The following ZC3H12B variants were observed in gnomAD, a reference collection of about 807,000 sequenced individuals.
The protein encoded by ZC3H12B is probable ribonuclease ZC3H12B.
ZC3H12B carries 7 observed loss-of-function variants against 43.9 expected under a neutral mutation model. The ratio of observed to expected loss-of-function variants is 0.16; its 90% CI spans 0.09 to 0.30. The LOEUF is 0.30. Ranked by LOEUF, ZC3H12B falls within the 10% of genes least tolerant of loss-of-function variation. The probability of loss-of-function intolerance (pLI) is 1.00; values close to 1 mark genes in which losing one functional copy is unlikely to be tolerated. For missense variants in ZC3H12B, 475 were observed against 670.2 expected (o/e 0.71, Z 3.22); for synonymous variants, 222 against 241.7 (o/e 0.92, Z 0.76).
chrX:65,175,224 T>A, the ZC3H12B span, among the ~76,000 whole-genome samples: 1 of 111,843 alleles, frequency 8.9e-6, no homozygotes, highest in Non-Finnish European at 1.9e-5. Context: ...GCCTAACCAG[T>A]CCCAGTGAGA....
chrX:65,072,816 C>T, the ZC3H12B span, among the ~76,000 whole-genome samples: 1 of 112,114 alleles, frequency 8.9e-6, no homozygotes, highest in East Asian at 2.8e-4. Context: ...TGCAGGCCTC[C>T]ATATGGATGT....
intron 3 of ZC3H12B, among the ~76,000 whole-genome samples, chrX:65,429,833 C>T (rs1442600046): frequency 8.9e-6 from 1 of 112,182 alleles, no homozygotes; most frequent in Non-Finnish European, 1.9e-5. Flanking sequence ...AGCTCTGCTT[C>T]ATTAGAGGGA....
At chrX:65,209,785 T>C in the ZC3H12B span, among the ~76,000 whole-genome samples, 38 of 103,738 alleles carry the variant, frequency 3.7e-4, no homozygotes, top group African/African-American at 1.3e-3. Flanking sequence ...CTATCTGATC[T>C]TTGACAAACC....
the ZC3H12B span, among the ~76,000 whole-genome samples, chrX:65,330,116 T>A: frequency 8.9e-6 from 1 of 111,850 alleles, no homozygotes; most frequent in African/African-American, 3.2e-5. Context: ...GGGGATGGCA[T>A]GGAATCTATA....
At chrX:65,078,211 A>G in the ZC3H12B span, among the ~76,000 whole-genome samples, 2 of 112,318 alleles carry the variant, frequency 1.8e-5, no homozygotes, top group African/African-American at 6.5e-5. Context: ...TATGTGAGTG[A>G]TAATGTCTAT....
At chrX:65,441,566 C>G (rs771095414) in intron 3 of ZC3H12B, among the ~76,000 whole-genome samples, 1 of 112,198 alleles carries the variant, frequency 8.9e-6, no homozygotes, top group Admixed American at 9.4e-5. Context: ...GCTATGCGCT[C>G]TCCTGGCTCT....
chrX:65,401,462 C>A (rs1382772378), intron 3 of ZC3H12B, among the ~76,000 whole-genome samples: 7 of 111,799 alleles, frequency 6.3e-5, no homozygotes, highest in African/African-American at 1.6e-4. Context: ...TACTGGGGGA[C>A]AAAGTGCTCT....
intron 3 of ZC3H12B, among the ~76,000 whole-genome samples, chrX:65,451,026 C>A (rs753806679): frequency 1.9e-5 from 2 of 107,596 alleles, no homozygotes; most frequent in East Asian, 5.8e-4. Context: ...CACCTCACTG[C>A]AAGCTCCACC....
In ZC3H12B at chrX:65,497,077, A is replaced by G. The variant is rs140165849; in HGVS notation, c.609-55A>G. 1,922 of 1,093,648 alleles carry G rather than the reference A, an allele frequency of 1.8e-3. 32 individuals carry two copies. The African/African-American group carries it at 0.032, about 18-fold the overall frequency. 90.1% of individuals were successfully genotyped at this position (1,093,648 alleles called of 1,213,427 possible). On this transcript the variant is annotated intron_variant, in intron 1 of 4. Transcript: ENST00000338957. ...TACTAAGAAAAAGCCTGCTTCAGAT[A>G]TTTCTTTGCTATCTATTATCAATCT...
the ZC3H12B span, among the ~76,000 whole-genome samples, chrX:65,321,742 G>C: frequency 9.1e-6 from 1 of 109,683 alleles, no homozygotes; most frequent in South Asian, 3.9e-4. Context: ...GTCCTTTGCA[G>C]GGACATGGAT....
chrX:65,347,112 C>A, the ZC3H12B span, among the ~76,000 whole-genome samples: 4 of 112,243 alleles, frequency 3.6e-5, no homozygotes, highest in Non-Finnish European at 7.5e-5. Flanking sequence ...AAAGATCAGG[C>A]AGCAACCTTT....
At chrX:65,230,262 A>G in the ZC3H12B span, among the ~76,000 whole-genome samples, 1 of 110,789 alleles carries the variant, frequency 9.0e-6, no homozygotes, top group Non-Finnish European at 1.9e-5. Context: ...GGAAATCATC[A>G]TTCTCAGTAA....
chrX:65,389,371 A>T (rs780527050), intron 2 of ZC3H12B, among the ~76,000 whole-genome samples: 9 of 112,263 alleles, frequency 8.0e-5, no homozygotes, highest in Non-Finnish European at 1.7e-4. Flanking sequence ...GCCACCTTGC[A>T]GTTTAATCTC....
At chrX:65,059,526 G>T in the ZC3H12B span, among the ~76,000 whole-genome samples, 5 of 110,839 alleles carry the variant, frequency 4.5e-5, no homozygotes, top group African/African-American at 1.6e-4. Flanking sequence ...AATGAGTTTA[G>T]TATAGGATTG....
chrX:65,097,037 C>A, the ZC3H12B span, among the ~76,000 whole-genome samples: 6 of 111,629 alleles, frequency 5.4e-5, no homozygotes, highest in Non-Finnish European at 1.1e-4. Context: ...ATTTGGCAAT[C>A]ATGCCTCCTT....
At chrX:65,241,385 C>G in the ZC3H12B span, among the ~76,000 whole-genome samples, 1 of 110,131 alleles carries the variant, frequency 9.1e-6, no homozygotes, top group Non-Finnish European at 1.9e-5. Flanking sequence ...TGAGGACCAC[C>G]TGGACTCCCT....
At chrX:65,397,213 G>T (rs951267205) in intron 2 of ZC3H12B, among the ~76,000 whole-genome samples, 1 of 111,674 alleles carries the variant, frequency 9.0e-6, no homozygotes, top group Non-Finnish European at 1.9e-5. Flanking sequence ...CATTAATATT[G>T]TTATATGTGA....
the ZC3H12B span, among the ~76,000 whole-genome samples, chrX:65,066,320 G>GT: frequency 4.5e-5 from 5 of 111,101 alleles, no homozygotes; most frequent in Admixed American, 1.9e-4. Context: ...CTTTGGATGG[G>GT]TTTTTTGTGG....
At chrX:65,060,029 A>T in the ZC3H12B span, among the ~76,000 whole-genome samples, 1 of 112,323 alleles carries the variant, frequency 8.9e-6, no homozygotes, top group African/African-American at 3.3e-5. Flanking sequence ...CACTGTTGCC[A>T]TATACACATG....
Sources: gnomAD v4.1 joint callset for allele counts (sites outside exome capture counted in the v4.1 genomes callset) on GRCh38, gnomAD v4.1.1 for gene constraint, MANE v1.5 for transcripts, NCBI Gene and HGNC (gene_info 2026-07-23, HGNC 2026-07-21) for gene names.